Variants in SLC20A2 observed in about 807,000 individuals in gnomAD.
SLC20A2 encodes sodium-dependent phosphate transporter 2.
In SLC20A2, 30 loss-of-function variants were observed where a neutral mutation model predicts 61.0. The observed-to-expected ratio is 0.49, with a 90% CI of 0.37 to 0.67. The LOEUF (loss-of-function observed/expected upper bound fraction) is 0.67, where lower values mean the gene tolerates loss of function less well. Ranked by LOEUF, SLC20A2 falls within the 30% of genes least tolerant of loss-of-function variation. The pLI is 0.00. For missense variants in SLC20A2, 626 were observed against 866.4 expected, an observed-to-expected ratio of 0.72 and a Z score of 3.48; for synonymous variants, 351 against 353.3, an observed-to-expected ratio of 0.99 and a Z score of 0.07.
At chr8:42,481,199 TAGA>T (rs1808526202) in intron 1 of SLC20A2, among the ~76,000 whole-genome samples, 1 of 152,204 alleles carries the variant, frequency 6.6e-6, no homozygotes, top group South Asian at 2.1e-4. Context: ...TTTACAGAGT[TAGA>T]AGATCATAGA....
intron 1 of SLC20A2, among the ~76,000 whole-genome samples, chr8:42,493,296 C>T (rs189267268): frequency 3.9e-5 from 6 of 152,304 alleles, no homozygotes; most frequent in Middle Eastern, 6.8e-3. Flanking sequence ...ATCCTGGCAG[C>T]GTCTGGCAGA....
intron 1 of SLC20A2, among the ~76,000 whole-genome samples, chr8:42,514,145 G>C (rs59730793): frequency 6.6e-6 from 1 of 152,096 alleles, no homozygotes; most frequent in African/African-American, 2.4e-5. Context: ...AAATGCTGAC[G>C]GCCTGTTATT....
In SLC20A2 at chr8:42,437,417, C is replaced by A; in HGVS notation, c.1095G>T (p.Arg365Ser). The A allele has an allele frequency of 6.2e-7, 1 of 1,614,152 alleles. No individual in the cohort carries two copies. The highest frequency in any genetic ancestry group is 8.5e-7 in the Non-Finnish European group (1 of 1,180,038). The part of the protein sequence containing the change: ...KDLLHKIHID[R>S]GPEEKPAQES... The stretch of plus-strand genomic sequence containing the variant: ...CCTGGGCTGGCTTCTCCTCGGGGCC[C>A]CTGTCGATGTGGATTTTGTGCAGCA... The change falls in exon 8 of 11, where the codon AGG (arginine) becomes AGT (serine). Residue 365 changes from arginine (R) to serine (S), a missense_variant. Physicochemically the swap from Arg to Ser is moderately radical, Grantham distance 110. Transcript: ENST00000520262. The surrounding 1 kb of genome is among the most constrained non-coding windows in gnomAD (Gnocchi z 6.4).
intron 5 of SLC20A2, among the ~76,000 whole-genome samples, chr8:42,455,290 A>AGAGAGAGAGAGAGAGAGAGAGC (rs1563478498): frequency 7.2e-6 from 1 of 139,554 alleles, no homozygotes; most frequent in African/African-American, 2.6e-5. Flanking sequence ...AGAGAGAGAG[A>AGAGAGAGAGAGAGAGAGAGAGC]GAGCGTGCGC....
Position 42,512,571 on chromosome 8 carries a change from G to A in SLC20A2, c.-265+29250C>T, listed in dbSNP as rs1189642090. ...TCACCATATTGGCTAGGCTGGTCTCGAACTCCTGACCTCAAGTGATCTGGC... is the reference window on the plus strand; with the variant it reads ...TCACCATATTGGCTAGGCTGGTCTCAAACTCCTGACCTCAAGTGATCTGGC... On this transcript the variant is annotated intron_variant, in intron 1 of 10. Transcript: ENST00000342228. 5.3e-5 allele frequency among the ~76,000 whole-genome samples: 8 copies of A among 152,144 alleles called. No individual in the cohort carries two copies. The East Asian group carries it at 1.2e-3, about 22-fold the overall frequency.
chr8:42,469,300 T>C (rs1008356698), intron 2 of SLC20A2, among the ~76,000 whole-genome samples: 1 of 151,264 alleles, frequency 6.6e-6, no homozygotes, highest in African/African-American at 2.4e-5. Flanking sequence ...CCCAACAAAA[T>C]AGGCTTTGAG....
At chr8:42,471,338 C>A in intron 2 of SLC20A2, 1 of 412,258 alleles carries the variant, frequency 2.4e-6, no homozygotes, top group Non-Finnish European at 4.8e-6. Context: ...GCCATGGGGA[C>A]ATCACTCTGT....
intron 1 of SLC20A2, among the ~76,000 whole-genome samples, chr8:42,533,984 T>C (rs1812544847): frequency 6.6e-6 from 1 of 151,702 alleles, no homozygotes; most frequent in Non-Finnish European, 1.5e-5. Context: ...CTTACTAGCA[T>C]TTGAAGAAAT....
intron 2 of SLC20A2, among the ~76,000 whole-genome samples, chr8:42,470,092 C>T (rs565537755): frequency 3.3e-5 from 5 of 151,868 alleles, no homozygotes; most frequent in South Asian, 2.1e-4. Flanking sequence ...TTACAAAGAA[C>T]GGTTATTTTT....
intron 1 of SLC20A2, among the ~76,000 whole-genome samples, chr8:42,476,979 C>T (rs1276375712): frequency 1.3e-5 from 2 of 151,328 alleles, no homozygotes; most frequent in Non-Finnish European, 2.9e-5. Context: ...CCACTGGTTA[C>T]ATGTAAACGC....
chr8:42,440,463 A>C (rs1401266746), intron 6 of SLC20A2, among the ~76,000 whole-genome samples: 1 of 152,224 alleles, frequency 6.6e-6, no homozygotes, highest in African/African-American at 2.4e-5. Flanking sequence ...TACATGGATC[A>C]ATAATTTGTT....
intron 1 of SLC20A2, among the ~76,000 whole-genome samples, chr8:42,475,390 A>AT (rs113154854): frequency 0.078 from 11,796 of 151,448 alleles, 1,423 homozygotes; most frequent in African/African-American, 0.26. Flanking sequence ...GTGAGATACC[A>AT]TGCCCGGCCC....
chr8:42,524,195 T>G (rs1811772619), intron 1 of SLC20A2, among the ~76,000 whole-genome samples: 1 of 152,186 alleles, frequency 6.6e-6, no homozygotes, highest in South Asian at 2.1e-4. Flanking sequence ...TCTGGAAATT[T>G]TTACAACTAA....
intron 1 of SLC20A2, among the ~76,000 whole-genome samples, chr8:42,528,158 TC>T (rs1243563993): frequency 6.6e-6 from 1 of 152,098 alleles, no homozygotes; most frequent in African/African-American, 2.4e-5. Context: ...ACTCCTTAGC[TC>T]AAAAGAATGT....
chr8:42,460,055 A>G, intron 4 of SLC20A2, 63 bp from the exon 5 acceptor site: 2 of 898,490 alleles, frequency 2.2e-6, no homozygotes, highest in Non-Finnish European at 3.7e-6. Context: ...GAGCCAACAC[A>G]GACAAAATGA....
rs750030543 is a variant in SLC20A2, at chr8:42,472,157, G to A, written c.234C>T (p.Asn78=). The A allele has an allele frequency of 1.9e-6, 3 of 1,614,022 alleles. No homozygotes were observed. In the South Asian group the frequency reaches 3.3e-5, roughly 18 times the overall value. The change falls in exon 2 of 11, where the codon AAC becomes AAT. Residue 78 remains asparagine (N), a synonymous_variant. Coordinates refer to ENST00000520262, the MANE Select transcript of SLC20A2 (RefSeq NM_001257180.2). The surrounding 1 kb of genome is among the most constrained non-coding windows in gnomAD (Gnocchi z 4.1). ...GAGTCTCCACCGTCTCGTTGTACAG[G>A]TTCACGTCAATGATACCTTTGCGAA... The part of the protein sequence containing the change: ...ETIRKGIIDV[N]LYNETVETLM...
At chr8:42,539,016 G>T (rs1005927907) in intron 1 of SLC20A2, among the ~76,000 whole-genome samples, 1 of 152,092 alleles carries the variant, frequency 6.6e-6, no homozygotes, top group East Asian at 1.9e-4. Context: ...CCCATCTCCA[G>T]TCACAAATTC....
intron 6 of SLC20A2, among the ~76,000 whole-genome samples, chr8:42,440,120 A>G (rs13267358): frequency 0.041 from 6,192 of 152,016 alleles, 191 homozygotes; most frequent in Non-Finnish European, 0.061. Flanking sequence ...AAGAAAGTCA[A>G]AAGTTCAATT....
At chr8:42,461,243 C>A (rs183766815) in intron 4 of SLC20A2, among the ~76,000 whole-genome samples, 97 of 152,194 alleles carry the variant, frequency 6.4e-4, no homozygotes, top group African/African-American at 2.3e-3. Context: ...ACACAGCCAG[C>A]TATGATCATC....
Sources: gnomAD v4.1 joint callset for allele counts (sites outside exome capture counted in the v4.1 genomes callset) on GRCh38, gnomAD v4.1.1 for gene constraint, Gnocchi (gnomAD v3.1) non-coding constraint, MANE v1.5 for transcripts, NCBI Gene and HGNC (gene_info 2026-07-23, HGNC 2026-07-21) for gene names.